MALRD1: variants seen among roughly 807,000 people sequenced by gnomAD.
The protein encoded by MALRD1 is MAM and LDL receptor class A domain containing 1.
MALRD1 carries 247 observed loss-of-function variants against 242.1 expected under a neutral mutation model. The observed-to-expected ratio is 1.02, with a 90% confidence interval of 0.92 to 1.13. MALRD1 has a LOEUF of 1.13. MALRD1 is among the 50% of genes most tolerant of loss of function. The pLI, the probability that MALRD1 is intolerant of heterozygous loss-of-function variation, is 0.00. For synonymous variants in MALRD1, 995 were observed against 866.6 expected, an observed-to-expected ratio of 1.15 and a Z score of -2.60; for missense variants, 2,989 against 2,533.1, an observed-to-expected ratio of 1.18 and a Z score of -3.86.
intron 31 of MALRD1, among the ~76,000 whole-genome samples, chr10:19,505,921 T>C (rs1778852592): frequency 6.6e-6 from 1 of 152,158 alleles, no homozygotes; most frequent in Admixed American, 6.5e-5. Flanking sequence ...TTTTGAACCT[T>C]GGCTGCATAT....
chr10:19,577,178 G>A (rs961311836), intron 33 of MALRD1, among the ~76,000 whole-genome samples: 7 of 151,956 alleles, frequency 4.6e-5, no homozygotes, highest in South Asian at 2.1e-4. Context: ...ATAAGGCCTC[G>A]TTTTAAAATG....
At chr10:19,533,615 CA>C (rs1274368491) in intron 32 of MALRD1, among the ~76,000 whole-genome samples, 2 of 152,090 alleles carry the variant, frequency 1.3e-5, no homozygotes, top group Non-Finnish European at 2.9e-5. Flanking sequence ...TGGCGGAATG[CA>C]AAGTGGGAGC....
At chr10:19,549,403 C>A (rs1379026585) in intron 32 of MALRD1, among the ~76,000 whole-genome samples, 1 of 152,138 alleles carries the variant, frequency 6.6e-6, no homozygotes, top group African/African-American at 2.4e-5. Flanking sequence ...GTCGATCGTG[C>A]AGCAAACTTA....
intron 29 of MALRD1, among the ~76,000 whole-genome samples, chr10:19,482,668 C>CAG (rs1564379250): frequency 6.6e-6 from 1 of 151,038 alleles, no homozygotes. Flanking sequence ...CACACACACA[C>CAG]ACACACACAC....
chr10:19,202,939 C>A (rs1476652348), intron 14 of MALRD1, among the ~76,000 whole-genome samples: 1 of 152,146 alleles, frequency 6.6e-6, no homozygotes, highest in Non-Finnish European at 1.5e-5. Context: ...CTTCTCTCAA[C>A]CTCTCTGTCT....
At chr10:19,091,845 G>A (rs1835874099) in intron 4 of MALRD1, among the ~76,000 whole-genome samples, 2 of 89,886 alleles carry the variant, frequency 2.2e-5, no homozygotes, top group South Asian at 3.5e-4. Context: ...ATTTCATTAT[G>A]TACCCAGTAG....
chr10:19,582,304 A>G (rs770960268), intron 33 of MALRD1, among the ~76,000 whole-genome samples: 1,845 of 151,252 alleles, frequency 0.012, 24 homozygotes, highest in African/African-American at 0.042. Context: ...GCCCATGCCT[A>G]TGTCCTGAAT....
Position 19,066,714 on chromosome 10 carries a change from A to T in MALRD1, c.200-5A>T, listed in dbSNP as rs1834990786. ...TGAAAACCAACTTTTCTTCTTTCTC[A>T]TTAGGTTTGAATTATGAAAGATGTG... On this transcript the variant is annotated splice_polypyrimidine_tract_variant and splice_region_variant and intron_variant, in intron 1 of 39. Coordinates refer to ENST00000454679, the MANE Select transcript of MALRD1 (RefSeq NM_001142308.3). 5 of 1,233,564 alleles carry T rather than the reference A, an allele frequency of 4.1e-6. No homozygotes were observed. The highest frequency in any genetic ancestry group is 8.2e-5 in the South Asian group (2 of 24,416). The allele number at this position is 1,233,564 out of a possible 1,614,324, so 76.4% of individuals were successfully genotyped here. A position where few individuals can be genotyped will look rare whatever the true frequency, so the allele number is the denominator to read the frequency against.
At chr10:19,437,339 C>T (rs1056531322) in intron 28 of MALRD1, among the ~76,000 whole-genome samples, 5 of 151,850 alleles carry the variant, frequency 3.3e-5, no homozygotes, top group East Asian at 3.9e-4. Flanking sequence ...GTTTCAGTTG[C>T]GAGGGCCCTG....
At chr10:19,602,526 C>T (rs1182282542) in intron 34 of MALRD1, among the ~76,000 whole-genome samples, 13 of 151,860 alleles carry the variant, frequency 8.6e-5, no homozygotes, top group Admixed American at 8.5e-4. Flanking sequence ...GACATGAACT[C>T]ATCATTTTTT....
chr10:19,301,471 C>T (rs1236203469), intron 21 of MALRD1, among the ~76,000 whole-genome samples: 1 of 151,852 alleles, frequency 6.6e-6, no homozygotes, highest in East Asian at 1.9e-4. Flanking sequence ...CCTAAATTCC[C>T]ATCAACAGCA....
chr10:19,308,294 T>G (rs1388985225), intron 21 of MALRD1, among the ~76,000 whole-genome samples: 1 of 151,522 alleles, frequency 6.6e-6, no homozygotes, highest in African/African-American at 2.4e-5. Context: ...ATTAGGGTGT[T>G]CACCATCTCA....
intron 38 of MALRD1, among the ~76,000 whole-genome samples, chr10:19,693,362 G>A (rs1279062559): frequency 6.6e-6 from 1 of 151,950 alleles, no homozygotes; most frequent in Admixed American, 6.6e-5. Context: ...AAGCTGATAG[G>A]CAACTTCAGC....
intron 36 of MALRD1, among the ~76,000 whole-genome samples, chr10:19,644,406 G>GC (rs1319612513): frequency 1.2e-4 from 1 of 8,394 alleles, no homozygotes; most frequent in Non-Finnish European, 2.5e-4. Context: ...GGTTCTTACT[G>GC]CAACTGCCTT....
chr10:19,193,546 C>G (rs892683348), intron 14 of MALRD1, among the ~76,000 whole-genome samples: 1 of 151,764 alleles, frequency 6.6e-6, no homozygotes, highest in African/African-American at 2.4e-5. Context: ...ACAGCGAGAC[C>G]CCATCTCAAA....
At chr10:19,067,882 G>A (rs1313292425) in intron 2 of MALRD1, among the ~76,000 whole-genome samples, 1 of 152,052 alleles carries the variant, frequency 6.6e-6, no homozygotes, top group Non-Finnish European at 1.5e-5. Flanking sequence ...TGATAAGATG[G>A]AGTTTCTTAA....
chr10:19,061,474 T>G (rs1325616330), intron 1 of MALRD1, among the ~76,000 whole-genome samples: 1 of 151,678 alleles, frequency 6.6e-6, no homozygotes, highest in African/African-American at 2.4e-5. Flanking sequence ...AAATAACCAA[T>G]AAATAAATAA....
chr10:19,088,073 G>C lies in MALRD1; in HGVS notation c.485G>C (p.Gly162Ala). Residue 162 changes from glycine to alanine, a missense_variant, in exon 4 of 40, where the codon GGG becomes GCG. Physicochemically the swap from Gly to Ala is moderately conservative, Grantham distance 60. Coordinates refer to ENST00000454679, the MANE Select transcript of MALRD1 (RefSeq NM_001142308.3). Reference protein sequence around the residue: ...SCQVSGKLMVGLQTACGGPIQ... With the variant: ...SCQVSGKLMVALQTACGGPIQ... ...CAAGTGAGTGGCAAATTAATGGTTG[G>C]GCTTCAAACTGCATGTGGAGGTCCT... The C allele has an allele frequency of 8.1e-7, 1 of 1,233,372 alleles. No individual in the cohort carries two copies. The allele number at this position is 1,233,372 out of a possible 1,614,324, so 76.4% of individuals were successfully genotyped here.
intron 33 of MALRD1, among the ~76,000 whole-genome samples, chr10:19,577,848 G>T (rs1441280061): frequency 6.6e-6 from 1 of 151,914 alleles, no homozygotes; most frequent in African/African-American, 2.4e-5. Flanking sequence ...GTCACTTTTG[G>T]AAATTATAAC....
Sources: allele counts gnomAD v4.1 joint callset (sites outside exome capture counted in the v4.1 genomes callset), GRCh38; gene constraint gnomAD v4.1.1; transcripts MANE v1.5; gene names NCBI Gene and HGNC (gene_info 2026-07-23, HGNC 2026-07-21).